The following EYS variants were observed in gnomAD, a reference collection of about 807,000 sequenced individuals.
EYS encodes EGF-like photoreceptor maintenance factor.
In EYS, 250 loss-of-function variants were observed where a neutral mutation model predicts 282.1. The observed-to-expected ratio is 0.89, with a 90% CI of 0.80 to 0.98. EYS has a LOEUF of 0.98. Ranked by LOEUF, EYS falls within the 50% of genes least tolerant of loss-of-function variation. The pLI, the probability that EYS is intolerant of heterozygous loss-of-function variation, is 0.00. For missense variants in EYS, 4,016 were observed against 3,709.0 expected (o/e 1.08, Z -2.15); for synonymous variants, 1,355 against 1,282.9 (o/e 1.06, Z -1.20).
intron 2 of EYS, among the ~76,000 whole-genome samples, chr6:65,587,176 T>C (rs1181886145): frequency 6.6e-6 from 1 of 152,030 alleles, no homozygotes; most frequent in Non-Finnish European, 1.5e-5. Flanking sequence ...CTTGCTGCCA[T>C]GTATAACACT....
intron 30 of EYS, 52 bp from the exon 31 acceptor site, chr6:64,230,876 A>C (rs1766407380): frequency 9.3e-7 from 1 of 1,078,864 alleles, no homozygotes; most frequent in Admixed American, 2.5e-5. Flanking sequence ...AGCACTAGGA[A>C]CATAAATAGA....
At chr6:65,687,184 G>A (rs1467024604) in intron 1 of EYS, among the ~76,000 whole-genome samples, 1 of 151,884 alleles carries the variant, frequency 6.6e-6, no homozygotes, top group Admixed American at 6.6e-5. Flanking sequence ...AAATGCAACT[G>A]AATAATTTAT....
chr6:64,689,848 A>T (rs1219926590), intron 22 of EYS, among the ~76,000 whole-genome samples: 1 of 152,174 alleles, frequency 6.6e-6, no homozygotes, highest in Non-Finnish European at 1.5e-5. Flanking sequence ...AAAGACCTAA[A>T]TGTTAGACCT....
At chr6:65,471,208 C>T (rs1422531937) in intron 5 of EYS, among the ~76,000 whole-genome samples, 1 of 128,428 alleles carries the variant, frequency 7.8e-6, no homozygotes, top group African/African-American at 2.9e-5. Context: ...GCCTGGGCAA[C>T]ATAGTGAGAC....
chr6:63,942,089 C>T (rs1765260964), intron 35 of EYS, among the ~76,000 whole-genome samples: 1 of 152,068 alleles, frequency 6.6e-6, no homozygotes, highest in Admixed American at 6.5e-5. Flanking sequence ...TCTAATTCAG[C>T]CTCTAGATCA....
chr6:63,756,994 T>C (rs144974394), intron 41 of EYS, among the ~76,000 whole-genome samples: 221 of 152,238 alleles, frequency 1.5e-3, no homozygotes, highest in African/African-American at 5.0e-3. Context: ...GTTTGAACAA[T>C]ATGAAATCAG....
chr6:64,967,478 T>A (rs1770139062), intron 14 of EYS, among the ~76,000 whole-genome samples: 1 of 151,982 alleles, frequency 6.6e-6, no homozygotes, highest in Admixed American at 6.6e-5. Flanking sequence ...CAACCACACC[T>A]GGCTAATTTT....
chr6:64,662,117 G>A (rs4034205), intron 22 of EYS, among the ~76,000 whole-genome samples: 1 of 149,730 alleles, frequency 6.7e-6, no homozygotes, highest in Non-Finnish European at 1.5e-5. Context: ...ATCATTCTCA[G>A]CAAACTATCA....
At chr6:65,316,369 G>T (rs182722984) in intron 11 of EYS, among the ~76,000 whole-genome samples, 1 of 151,964 alleles carries the variant, frequency 6.6e-6, no homozygotes, top group African/African-American at 2.4e-5. Context: ...TCTTCTAATT[G>T]ATTTATTATT....
chr6:65,059,990 A>G (rs1773522215), intron 12 of EYS, among the ~76,000 whole-genome samples: 1 of 152,022 alleles, frequency 6.6e-6, no homozygotes, highest in Admixed American at 6.6e-5. Context: ...CTATTCTTAA[A>G]TATGTCTCTG....
chr6:65,439,321 G>T (rs969940935), intron 5 of EYS, among the ~76,000 whole-genome samples: 5 of 152,000 alleles, frequency 3.3e-5, no homozygotes, highest in African/African-American at 1.2e-4. Context: ...GATTGACTTG[G>T]CAATGCAGGC....
rs189888703 is a variant in EYS, at chr6:65,005,384, G to C, written c.2138-7681C>G. 1.0e-4 allele frequency among the ~76,000 whole-genome samples: 15 copies of C among 147,434 alleles called. 3 individuals carry two copies. The East Asian group carries it at 3.2e-3, about 31-fold the overall frequency. ...CGCATGGCCCAAGATTCCATTCCTC[G>C]GAATCCGTGAGGCCAAGAGCCCCAG... is the stretch of plus-strand genomic sequence containing the variant. On this transcript the variant is annotated intron_variant, in intron 13 of 42. Coordinates refer to ENST00000503581, the MANE Select transcript of EYS (RefSeq NM_001142800.2).
At chr6:64,686,769 A>G (rs796595099) in intron 22 of EYS, among the ~76,000 whole-genome samples, 683 of 7,480 alleles carry the variant, frequency 0.091, 99 homozygotes, top group Middle Eastern at 0.17. Context: ...ATATGTGTGT[A>G]TATATATATA....
At chr6:64,544,475 G>T (rs1764787294) in intron 26 of EYS, among the ~76,000 whole-genome samples, 1 of 152,024 alleles carries the variant, frequency 6.6e-6, no homozygotes, top group Non-Finnish European at 1.5e-5. Context: ...GGAAAATTGT[G>T]GTGTCACTTG....
At chr6:65,284,724 G>C (rs1004712125) in intron 12 of EYS, among the ~76,000 whole-genome samples, 1 of 152,012 alleles carries the variant, frequency 6.6e-6, no homozygotes, top group African/African-American at 2.4e-5. Context: ...GTAAATACAA[G>C]TATGGAAGAA....
intron 26 of EYS, among the ~76,000 whole-genome samples, chr6:64,451,475 T>C (rs537215399): frequency 4.0e-3 from 612 of 152,056 alleles, no homozygotes; most frequent in Non-Finnish European, 4.8e-3. Flanking sequence ...TTCCAATCAA[T>C]AGAAAAAGAG....
At chr6:64,686,765 GTGTATATATATATA>G (rs1562133681) in intron 22 of EYS, among the ~76,000 whole-genome samples, 3 of 12,946 alleles carry the variant, frequency 2.3e-4, no homozygotes, top group African/African-American at 4.3e-4. Flanking sequence ...ATATATATGT[GTGTATATATATATA>G]TATATATATG....
At chr6:64,280,002 C>T (rs537670146) in intron 30 of EYS, among the ~76,000 whole-genome samples, 2 of 152,208 alleles carry the variant, frequency 1.3e-5, no homozygotes, top group South Asian at 2.1e-4. Flanking sequence ...TCACTGGACA[C>T]GGCAGTATGC....
At chr6:64,574,178 G>A (rs6912052) in intron 26 of EYS, among the ~76,000 whole-genome samples, 3,635 of 152,026 alleles carry the variant, frequency 0.024, 90 homozygotes, top group East Asian at 0.11. Flanking sequence ...ACACAGGAAC[G>A]GAAAATCAAA....
Sources: gnomAD v4.1 joint callset for allele counts (sites outside exome capture counted in the v4.1 genomes callset) on GRCh38, gnomAD v4.1.1 for gene constraint, MANE v1.5 for transcripts, NCBI Gene and HGNC (gene_info 2026-07-23, HGNC 2026-07-21) for gene names.